Variants in HOOK1 observed in about 807,000 individuals in gnomAD.
HOOK1 encodes protein Hook homolog 1.
A neutral mutation model predicts 112.8 loss-of-function variants in HOOK1; 60 were observed. That is an observed-to-expected ratio of 0.53 (90% CI 0.43 to 0.66). HOOK1 has a LOEUF of 0.66. Ranked by LOEUF, HOOK1 falls within the 30% of genes least tolerant of loss-of-function variation. HOOK1 has a pLI of 0.00. For missense variants in HOOK1, 770 were observed against 856.0 expected (o/e 0.90, Z 1.25); for synonymous variants, 294 against 283.8 (o/e 1.04, Z -0.36).
Position 59,865,184 on chromosome 1 carries a change from T to G in HOOK1, c.1683T>G (p.His561Gln). The G allele has an allele frequency of 6.2e-7, 1 of 1,606,396 alleles. No homozygotes were observed. Among genetic ancestry groups the G allele is most frequent in the Non-Finnish European group, 8.5e-7 (1 of 1,173,126 alleles). Residue 561 changes from histidine (H) to glutamine (Q), a missense_variant, in exon 18 of 22, where the codon CAT (histidine) becomes CAG (glutamine). Transcript: ENST00000371208. ...EAHMEKLTEV[H>Q]EELQKKQELI... ...TTAGGGAAAAACTCACAGAGGTCCA[T>G]GAAGAATTACAGAAGAAACAAGAAC...
At chr1:59,859,389 C>A (rs745379813) in intron 14 of HOOK1, among the ~76,000 whole-genome samples, 4 of 151,804 alleles carry the variant, frequency 2.6e-5, no homozygotes, top group Non-Finnish European at 4.4e-5. Context: ...TTTCACAAGC[C>A]TTTGATGGGA....
intron 2 of HOOK1, among the ~76,000 whole-genome samples, chr1:59,826,995 C>T (rs968424668): frequency 6.6e-6 from 1 of 152,078 alleles, no homozygotes; most frequent in Admixed American, 6.5e-5. Context: ...AAACTCCTGA[C>T]CTCAGGTGAT....
chr1:59,841,601 T>C (rs2098401050), intron 8 of HOOK1, among the ~76,000 whole-genome samples: 1 of 152,076 alleles, frequency 6.6e-6, no homozygotes. Context: ...TTGTAACATA[T>C]ACCTTCAGAC....
intron 2 of HOOK1, among the ~76,000 whole-genome samples, chr1:59,823,277 G>A (rs551655496): frequency 2.6e-5 from 4 of 152,322 alleles, no homozygotes; most frequent in Admixed American, 2.0e-4. Context: ...CCGAGATCCT[G>A]CCACTGCACT....
At chr1:59,828,220 A>C (rs1057181938) in intron 2 of HOOK1, among the ~76,000 whole-genome samples, 1 of 152,190 alleles carries the variant, frequency 6.6e-6, no homozygotes. Context: ...CTTGGCCATC[A>C]GTATCAATAT....
At chr1:59,815,348 G>T in intron 1 of HOOK1, 168 bp downstream of exon 1, 1 of 642,672 alleles carries the variant, frequency 1.6e-6, no homozygotes, top group South Asian at 1.9e-5. Context: ...GGGTCGACGG[G>T]CAGGTGTGTG....
Position 59,838,380 on chromosome 1 carries a change from C to T in HOOK1, c.537+1445C>T, listed in dbSNP as rs185537827. Among the ~76,000 whole-genome samples, 536 of 152,196 alleles carry T rather than the reference C, an allele frequency of 3.5e-3. 2 individuals carry two copies. Among genetic ancestry groups the T allele is most frequent in the African/African-American group, 0.012 (493 of 41,540 alleles). Reference sequence around the variant, plus strand: ...TGTTGTTTCCTGACTTTTTAATGTTCGCCATTCTAACTGGTGTGAGATAGT... The same window carrying T: ...TGTTGTTTCCTGACTTTTTAATGTTTGCCATTCTAACTGGTGTGAGATAGT... On this transcript the variant is annotated intron_variant, in intron 7 of 21. Coordinates refer to ENST00000371208, the MANE Select transcript of HOOK1 (RefSeq NM_015888.6).
rs1028951441 is a variant in HOOK1, at chr1:59,847,264, G to A, written c.929+79G>A. ...TTTGAGTATTTCATATTTTAATCAG[G>A]GATTCATAGGATTATTCCTGTATAT... On this transcript the variant is annotated intron_variant, in intron 10 of 21. Coordinates refer to ENST00000371208, the MANE Select transcript of HOOK1 (RefSeq NM_015888.6). The A allele has an allele frequency of 9.4e-6, 11 of 1,171,862 alleles. No individual in the cohort carries two copies. The East Asian group carries it at 9.6e-5, about 10-fold the overall frequency. The allele number at this position is 1,171,862 out of a possible 1,614,324, so 72.6% of individuals were successfully genotyped here. A position where few individuals can be genotyped will look rare whatever the true frequency, so the allele number is the denominator to read the frequency against.
intron 3 of HOOK1, among the ~76,000 whole-genome samples, chr1:59,830,876 T>C (rs1045913720): frequency 6.6e-6 from 1 of 151,858 alleles, no homozygotes; most frequent in Non-Finnish European, 1.5e-5. Context: ...AATTTTATTA[T>C]TGAATGCTGA....
chr1:59,868,172 C>T, intron 19 of HOOK1, 78 bp from the exon 20 acceptor site: 2 of 761,626 alleles, frequency 2.6e-6, no homozygotes, highest in Non-Finnish European at 4.3e-6. Context: ...CTTACTTACA[C>T]AGTTTTTGTA....
chr1:59,846,565 T>TC (rs1559053115), intron 9 of HOOK1, among the ~76,000 whole-genome samples: 9 of 68,992 alleles, frequency 1.3e-4, no homozygotes, highest in African/African-American at 6.2e-4. Flanking sequence ...CTTCCTTCCT[T>TC]CCTTCCTTCC....
intron 12 of HOOK1, among the ~76,000 whole-genome samples, chr1:59,857,099 G>A (rs1008157519): frequency 1.3e-5 from 2 of 152,154 alleles, no homozygotes; most frequent in Admixed American, 6.5e-5. Context: ...TTTGCCAAAT[G>A]TCTCGGAAAT....
At chr1:59,854,818 T>A (rs1348135832) in intron 12 of HOOK1, among the ~76,000 whole-genome samples, 1 of 152,220 alleles carries the variant, frequency 6.6e-6, no homozygotes, top group African/African-American at 2.4e-5. Context: ...TTCTTAGAAC[T>A]GTAGATTGAT....
In HOOK1 at chr1:59,872,779, T is replaced by TG; in HGVS notation, c.2017-15dup. ...TTAGTCATGTTAAATAAAAAATATATGTTTTTTTTTTTCAGAGTCTAGCAT... is the reference window on the plus strand; with the variant it reads ...TTAGTCATGTTAAATAAAAAATATATGGTTTTTTTTTTTCAGAGTCTAGCAT... On this transcript the variant is annotated splice_polypyrimidine_tract_variant and intron_variant, in intron 21 of 21. Transcript: ENST00000371208. The TG allele has an allele frequency of 7.3e-7, 1 of 1,373,972 alleles. No individual in the cohort carries two copies. The highest frequency in any genetic ancestry group is 9.6e-7 in the Non-Finnish European group (1 of 1,045,366). The allele number at this position is 1,373,972 out of a possible 1,614,324, so 85.1% of individuals were successfully genotyped here. A position where few individuals can be genotyped will look rare whatever the true frequency, so the allele number is the denominator to read the frequency against.
chr1:59,872,726 T>C (rs1644074922), intron 21 of HOOK1, 69 bp from the exon 22 acceptor site: 2 of 1,113,062 alleles, frequency 1.8e-6, no homozygotes, highest in East Asian at 3.0e-5. Context: ...TAAGTGTCTT[T>C]ATGTGAGAAG....
chr1:59,841,121 G>A (rs2098400836), intron 8 of HOOK1, among the ~76,000 whole-genome samples: 1 of 152,122 alleles, frequency 6.6e-6, no homozygotes, highest in African/African-American at 2.4e-5. Flanking sequence ...TTAGAGCCTG[G>A]CACAGAAGTG....
chr1:59,836,727 T>G (rs1376168018), intron 6 of HOOK1, 146 bp from the exon 7 acceptor site: 2 of 485,326 alleles, frequency 4.1e-6, no homozygotes, highest in Non-Finnish European at 7.3e-6. Context: ...TCTAATAAAG[T>G]TTTTATCTGA....
intron 15 of HOOK1, among the ~76,000 whole-genome samples, chr1:59,860,996 T>C (rs886542413): frequency 6.6e-6 from 1 of 152,112 alleles, no homozygotes; most frequent in Non-Finnish European, 1.5e-5. Context: ...CAGGCTCGTC[T>C]CAATCTCCTG....
intron 12 of HOOK1, among the ~76,000 whole-genome samples, chr1:59,851,261 T>C (rs931067782): frequency 6.6e-6 from 1 of 151,684 alleles, no homozygotes; most frequent in Non-Finnish European, 1.5e-5. Context: ...TAGATTAATT[T>C]AGAAATGTTG....
Sources: allele counts gnomAD v4.1 joint callset (sites outside exome capture counted in the v4.1 genomes callset), GRCh38; gene constraint gnomAD v4.1.1; transcripts MANE v1.5; gene names NCBI Gene and HGNC (gene_info 2026-07-23, HGNC 2026-07-21).